The following GALNT13 variants were observed in gnomAD, a reference collection of about 807,000 sequenced individuals.
GALNT13 encodes polypeptide N-acetylgalactosaminyltransferase 13, also known as UDP-GalNAc:polypeptide N-acetylgalactosaminyltransferase 13.
Under a neutral mutation model 64.2 loss-of-function variants are expected in GALNT13, and 28 were observed. The observed-to-expected ratio is 0.44, with a 90% CI of 0.32 to 0.60. GALNT13 has a LOEUF of 0.60. Ranked by LOEUF, GALNT13 falls within the 20% of genes least tolerant of loss-of-function variation. The pLI, the probability that GALNT13 is intolerant of heterozygous loss-of-function variation, is 0.05. For synonymous variants in GALNT13, 214 were observed against 224.6 expected (o/e 0.95, Z 0.42); for missense variants, 577 against 669.8 (o/e 0.86, Z 1.53).
At chr2:154,446,499 A>G (rs1054142986) in intron 12 of GALNT13, 16 of 1,418,966 alleles carry the variant, frequency 1.1e-5, no homozygotes, top group Middle Eastern at 1.8e-4. Flanking sequence ...CATGTTGCCT[A>G]GGATGATTGA....
chr2:153,996,443 T>G (rs1468193972), intron 3 of GALNT13, among the ~76,000 whole-genome samples: 1 of 152,118 alleles, frequency 6.6e-6, no homozygotes, highest in Non-Finnish European at 1.5e-5. Context: ...TGTTAAGCGT[T>G]TTTATCCTAT....
chr2:153,889,418 C>T (rs1339181251), intron 1 of GALNT13, among the ~76,000 whole-genome samples: 2 of 151,910 alleles, frequency 1.3e-5, no homozygotes, highest in African/African-American at 4.8e-5. Context: ...ACTCTTTTAT[C>T]CTTCCTCACC....
chr2:153,482,924 G>A, the GALNT13 span, among the ~76,000 whole-genome samples: 3 of 152,130 alleles, frequency 2.0e-5, no homozygotes, highest in Non-Finnish European at 4.4e-5. Context: ...CAGATATATT[G>A]CAATAGTTCC....
chr2:153,612,206 T>C, the GALNT13 span, among the ~76,000 whole-genome samples: 17 of 152,206 alleles, frequency 1.1e-4, no homozygotes, highest in African/African-American at 3.9e-4. Flanking sequence ...CCATCGAGCA[T>C]GTGGAGAAAT....
chr2:153,306,996 A>T, the GALNT13 span, among the ~76,000 whole-genome samples: 23 of 152,348 alleles, frequency 1.5e-4, no homozygotes, highest in East Asian at 4.2e-3. Flanking sequence ...TTGGCCTCCC[A>T]AAGTGCTGAA....
chr2:153,951,343 C>A (rs762401149), intron 3 of GALNT13, among the ~76,000 whole-genome samples: 1 of 152,056 alleles, frequency 6.6e-6, no homozygotes, highest in Non-Finnish European at 1.5e-5. Flanking sequence ...GCTGTGGATA[C>A]AATGTAGAGA....
At chr2:154,345,144 G>A (rs1431619041) in intron 9 of GALNT13, among the ~76,000 whole-genome samples, 1 of 151,990 alleles carries the variant, frequency 6.6e-6, no homozygotes. Context: ...AAAGACCTTA[G>A]ATAAATAAGT....
At chr2:153,740,422 A>T in the GALNT13 span, among the ~76,000 whole-genome samples, 224 of 152,200 alleles carry the variant, frequency 1.5e-3, no homozygotes, top group African/African-American at 5.2e-3. Context: ...AATTTTTATT[A>T]CATATTTCTA....
At chr2:154,133,512 T>G (rs542937582) in intron 3 of GALNT13, among the ~76,000 whole-genome samples, 1 of 141,108 alleles carries the variant, frequency 7.1e-6, no homozygotes, top group African/African-American at 2.7e-5. Context: ...CTAACTTTTT[T>G]TCAGTAACAT....
Position 154,375,190 on chromosome 2 carries a change from A to G in GALNT13, c.1157-20801A>G, listed in dbSNP as rs192896525. Among the ~76,000 whole-genome samples, 1,300 of 144,840 alleles carry G rather than the reference A, an allele frequency of 9.0e-3. 10 individuals carry two copies. The highest frequency in any genetic ancestry group is 0.013 in the Non-Finnish European group (873 of 65,712). ...TTTTTAGTAGAGACAGGGTTTCACCATGTTAGCCAGGATGATCTCGATCTA... is the reference window on the plus strand; with the variant it reads ...TTTTTAGTAGAGACAGGGTTTCACCGTGTTAGCCAGGATGATCTCGATCTA... On this transcript the variant is annotated intron_variant, in intron 9 of 12. Coordinates refer to ENST00000392825, the MANE Select transcript of GALNT13 (RefSeq NM_052917.4).
At chr2:154,297,284 G>T (rs574430601) in intron 8 of GALNT13, among the ~76,000 whole-genome samples, 1 of 152,304 alleles carries the variant, frequency 6.6e-6, no homozygotes, top group Admixed American at 6.5e-5. Flanking sequence ...AGAGTCTGTT[G>T]AATTGACAGA....
the GALNT13 span, among the ~76,000 whole-genome samples, chr2:153,264,684 G>A: frequency 5.3e-5 from 8 of 152,146 alleles, no homozygotes; most frequent in Non-Finnish European, 1.0e-4. Context: ...GACTAATGCA[G>A]GAGCTAATGC....
At chr2:153,205,739 A>G in the GALNT13 span, among the ~76,000 whole-genome samples, 1 of 151,902 alleles carries the variant, frequency 6.6e-6, no homozygotes, top group Non-Finnish European at 1.5e-5. Context: ...TAAATCTAGT[A>G]CTCTTTCAAT....
chr2:153,085,058 G>T, the GALNT13 span, among the ~76,000 whole-genome samples: 4 of 152,170 alleles, frequency 2.6e-5, no homozygotes, highest in African/African-American at 9.7e-5. Context: ...TGAGGAACTT[G>T]TGGGAAGTGG....
the GALNT13 span, among the ~76,000 whole-genome samples, chr2:153,705,145 A>G: frequency 6.6e-6 from 1 of 152,230 alleles, no homozygotes. Context: ...TACCATATAC[A>G]TAATGCAGAT....
intron 9 of GALNT13, among the ~76,000 whole-genome samples, chr2:154,350,721 G>A (rs1453211392): frequency 6.6e-6 from 1 of 152,120 alleles, no homozygotes; most frequent in African/African-American, 2.4e-5. Flanking sequence ...GAATATGCTA[G>A]TTTCAGTAAT....
At chr2:153,157,996 G>C in the GALNT13 span, among the ~76,000 whole-genome samples, 1 of 151,722 alleles carries the variant, frequency 6.6e-6, no homozygotes, top group African/African-American at 2.4e-5. Context: ...AGAAAGTATT[G>C]AGAAAAAAAA....
chr2:153,398,695 GT>G, the GALNT13 span, among the ~76,000 whole-genome samples: 3 of 151,818 alleles, frequency 2.0e-5, no homozygotes, highest in African/African-American at 4.8e-5. Context: ...ATTTTTTCAT[GT>G]GTTTTTTGGC....
the GALNT13 span, among the ~76,000 whole-genome samples, chr2:153,278,267 A>T: frequency 6.6e-6 from 1 of 151,924 alleles, no homozygotes; most frequent in African/African-American, 2.4e-5. Flanking sequence ...CCTCTGTCAG[A>T]TGCATAGTTT....
Sources: gnomAD v4.1 joint callset for allele counts (sites outside exome capture counted in the v4.1 genomes callset) on GRCh38, gnomAD v4.1.1 for gene constraint, MANE v1.5 for transcripts, NCBI Gene and HGNC (gene_info 2026-07-23, HGNC 2026-07-21) for gene names.